The following OFD1 variants were observed in gnomAD, a reference collection of about 807,000 sequenced individuals.
OFD1 encodes the protein OFD1 centriole and centriolar satellite protein.
OFD1 carries 12 observed loss-of-function variants against 81.4 expected under a neutral mutation model. The ratio of observed to expected loss-of-function variants is 0.15; its 90% confidence interval spans 0.09 to 0.24. The LOEUF (loss-of-function observed/expected upper bound fraction) is 0.24, where lower values mean the gene tolerates loss of function less well. OFD1 is among the 10% of genes least tolerant of loss of function. The pLI, the probability that OFD1 is intolerant of heterozygous loss-of-function variation, is 1.00. For synonymous variants in OFD1, 256 were observed against 263.7 expected, an observed-to-expected ratio of 0.97 and a Z score of 0.28; for missense variants, 685 against 733.9, an observed-to-expected ratio of 0.93 and a Z score of 0.77.
the OFD1 span, among the ~76,000 whole-genome samples, chrX:13,727,675 T>C: frequency 8.9e-6 from 1 of 111,830 alleles, no homozygotes; most frequent in African/African-American, 3.3e-5. Context: ...CACCCTAACA[T>C]TGCAATTAAA....
At chrX:13,733,093 T>G (rs2046711928), upstream of OFD1, among the ~76,000 whole-genome samples, 1 of 112,265 alleles carries the variant, frequency 8.9e-6, no homozygotes, top group Non-Finnish European at 1.9e-5. Context: ...ATTCATGTAT[T>G]CAACTGTGGG....
chrX:13,767,396 G>C (rs1192521751), intron 20 of OFD1, 112 bp downstream of exon 20: 2 of 799,523 alleles, frequency 2.5e-6, no homozygotes, highest in Admixed American at 4.5e-5. Flanking sequence ...AGGTGCGGCA[G>C]ATGCCTTAAA....
At chrX:13,716,233 A>C in the OFD1 span, 1 of 697,592 alleles carries the variant, frequency 1.4e-6, no homozygotes, top group Non-Finnish European at 2.1e-6. Flanking sequence ...AAATTAGCTT[A>C]GTTTTATCAT....
the OFD1 span, among the ~76,000 whole-genome samples, chrX:13,725,345 T>A: frequency 1.8e-5 from 2 of 112,328 alleles, no homozygotes; most frequent in South Asian, 7.3e-4. Flanking sequence ...CACCTCCCAG[T>A]AGGGGCCGAC....
chrX:13,761,606 A>AT (rs1338192541), intron 17 of OFD1, among the ~76,000 whole-genome samples: 1 of 112,535 alleles, frequency 8.9e-6, no homozygotes, highest in Admixed American at 9.4e-5. Flanking sequence ...TTAAAAAGTC[A>AT]TTTTTAAAAT....
intron 5 of OFD1, chrX:13,740,123 G>T: frequency 1.0e-6 from 1 of 966,355 alleles, no homozygotes; most frequent in South Asian, 2.0e-5. Flanking sequence ...CAAGTCTCTT[G>T]GTAGTAATGT....
At chrX:13,719,248 CA>C in the OFD1 span, among the ~76,000 whole-genome samples, 24 of 103,097 alleles carry the variant, frequency 2.3e-4, no homozygotes, top group East Asian at 1.8e-3. Flanking sequence ...TTCCTTGTCT[CA>C]AAAAAAAAAA....
chrX:13,763,935 T>C (rs2147067658), intron 19 of OFD1, 80 bp downstream of exon 19: 1 of 758,806 alleles, frequency 1.3e-6, no homozygotes, highest in East Asian at 3.2e-5. Flanking sequence ...TTATTTCATG[T>C]ATCACTGAAG....
In OFD1 at chrX:13,751,380, G is replaced by A. The variant is rs1202325681; in HGVS notation, c.1055+12G>A. 1.7e-6 allele frequency: 2 copies of A among 1,178,702 alleles called. No individual in the cohort carries two copies. Among genetic ancestry groups the A allele is most frequent in the East Asian group, 3.0e-5 (1 of 33,551 alleles). On this transcript the variant is annotated intron_variant, in intron 10 of 22. Coordinates refer to ENST00000340096, the MANE Select transcript of OFD1 (RefSeq NM_003611.3). ...AATGAACTTCTAAAGTAATTGTTTA[G>A]CATTTTTAAATAACTAATATGTTTA... is the stretch of plus-strand genomic sequence containing the variant.
In OFD1 at chrX:13,739,941, T is replaced by TC. The variant is rs1188529167; in HGVS notation, c.412+910dup. The TC allele has an allele frequency of 8.1e-6, 7 of 867,492 alleles. No individual in the cohort carries two copies. The African/African-American group carries it at 1.5e-4, about 18-fold the overall frequency. 71.5% of individuals were successfully genotyped at this position (867,492 alleles called of 1,213,427 possible). A position where few individuals can be genotyped will look rare whatever the true frequency, so the allele number is the denominator to read the frequency against. The stretch of plus-strand genomic sequence containing the variant: ...TTATTCTTTAGGTCTTTTAAAATAA[T>TC]CTGTTAGTAATAGTCCTTTTGTGTT... On this transcript the variant is annotated intron_variant, in intron 5 of 22. Transcript: ENST00000340096.
At chrX:13,722,916 A>T in the OFD1 span, among the ~76,000 whole-genome samples, 1 of 110,258 alleles carries the variant, frequency 9.1e-6, no homozygotes, top group Non-Finnish European at 1.9e-5. Context: ...ACAAAAAATT[A>T]GCCGAGTGTG....
the OFD1 span, among the ~76,000 whole-genome samples, chrX:13,725,180 A>C: frequency 8.8e-6 from 1 of 113,254 alleles, no homozygotes; most frequent in Non-Finnish European, 1.9e-5. Flanking sequence ...GCTTAGCTGA[A>C]CAAAAGGCAG....
chrX:13,717,206 C>G, the OFD1 span, among the ~76,000 whole-genome samples: 1 of 110,885 alleles, frequency 9.0e-6, no homozygotes, highest in African/African-American at 3.3e-5. Context: ...CTGCCAGAGG[C>G]CTCTTTCCAG....
At chrX:13,751,486 A>C (rs2047498993) in intron 10 of OFD1, 118 bp downstream of exon 10, 4 of 560,313 alleles carry the variant, frequency 7.1e-6, no homozygotes, top group East Asian at 3.9e-5. Context: ...AAAAAAAAAA[A>C]CATAGTTTTA....
chrX:13,734,492 C>G (rs1214059828), upstream of OFD1: 1 of 220,946 alleles, frequency 4.5e-6, no homozygotes, highest in African/African-American at 2.9e-5. Flanking sequence ...ACTCAAAACA[C>G]CCGCCCCCCG....
chrX:13,738,037 A>T (rs966101319), intron 3 of OFD1, among the ~76,000 whole-genome samples: 1 of 110,854 alleles, frequency 9.0e-6, no homozygotes, highest in Non-Finnish European at 1.9e-5. Context: ...TTTAGTAGAG[A>T]GGAGGTTTCA....
downstream of OFD1, among the ~76,000 whole-genome samples, chrX:13,770,490 A>G (rs1175232449): frequency 8.9e-6 from 1 of 112,492 alleles, no homozygotes; most frequent in Admixed American, 9.4e-5. Flanking sequence ...TAAAATCCTA[A>G]GTAACATATT....
In OFD1 at chrX:13,739,052, T is replaced by G; in HGVS notation, c.412+20T>G. ...AAAAAGGTAGGAGCCGTCATCTTTG[T>G]AGAGAACAGCAACAGTTTTCTATGT... On this transcript the variant is annotated intron_variant, in intron 5 of 22. Transcript: ENST00000340096. 8.4e-7 allele frequency: 1 copy of G among 1,190,433 alleles called. No individual in the cohort carries two copies. The highest frequency in any genetic ancestry group is 1.8e-5 in the South Asian group (1 of 55,906).
upstream of OFD1, among the ~76,000 whole-genome samples, chrX:13,731,958 A>G (rs1457120115): frequency 1.8e-5 from 2 of 112,224 alleles, no homozygotes; most frequent in East Asian, 5.6e-4. Flanking sequence ...AGTTAAGAGG[A>G]TAAGAAAGCA....
Sources: allele counts gnomAD v4.1 joint callset (sites outside exome capture counted in the v4.1 genomes callset), GRCh38; gene constraint gnomAD v4.1.1; transcripts MANE v1.5; gene names NCBI Gene and HGNC (gene_info 2026-07-23, HGNC 2026-07-21).